The following SGCE variants were observed in gnomAD, a reference collection of about 807,000 sequenced individuals.
SGCE encodes the protein epsilon-sarcoglycan.
SGCE carries 26 observed loss-of-function variants against 57.8 expected under a neutral mutation model. That is an observed-to-expected ratio of 0.45 (90% confidence interval 0.33 to 0.62). The LOEUF is 0.62. Ranked by LOEUF, SGCE falls within the 20% of genes least tolerant of loss-of-function variation. The pLI is 0.02. For synonymous variants in SGCE, 183 were observed against 189.5 expected, an observed-to-expected ratio of 0.97 and a Z score of 0.28; for missense variants, 468 against 548.6, an observed-to-expected ratio of 0.85 and a Z score of 1.47.
At chr7:94,642,086 C>A (rs1203873535) in intron 1 of SGCE, among the ~76,000 whole-genome samples, 1 of 151,988 alleles carries the variant, frequency 6.6e-6, no homozygotes, top group Non-Finnish European at 1.5e-5. Flanking sequence ...TTATTAAAAA[C>A]AAACAAAACC....
At chr7:94,640,632 GTTTGT>G (rs956719120) in intron 1 of SGCE, among the ~76,000 whole-genome samples, 1 of 151,868 alleles carries the variant, frequency 6.6e-6, no homozygotes, top group Non-Finnish European at 1.5e-5. Context: ...GCTTCTGTGT[GTTTGT>G]TTTGTTTGTT....
At chr7:94,629,684 C>T (rs761232868) in intron 2 of SGCE, 35 bp downstream of exon 2, 34 of 1,607,130 alleles carry the variant, frequency 2.1e-5, no homozygotes, top group Middle Eastern at 3.3e-4. Flanking sequence ...AAATTTAGTA[C>T]GTTAACTGCT....
chr7:94,627,242 C>T (rs1322521740), intron 3 of SGCE: 2 of 151,992 alleles, frequency 1.3e-5, no homozygotes, highest in East Asian at 3.8e-4. Flanking sequence ...AGTATGTAAT[C>T]CTCTGAAAGG....
chr7:94,610,509 G>A (rs1584591111), intron 5 of SGCE, among the ~76,000 whole-genome samples: 1 of 152,058 alleles, frequency 6.6e-6, no homozygotes, highest in South Asian at 2.1e-4. Flanking sequence ...CTTAAAAATA[G>A]TATACGCACA....
At chr7:94,605,866 C>T (rs959953907) in intron 5 of SGCE, among the ~76,000 whole-genome samples, 17 of 152,158 alleles carry the variant, frequency 1.1e-4, no homozygotes, top group East Asian at 9.7e-4. Context: ...GACACAGTCT[C>T]GCCCTGTCAC....
chr7:94,624,036 A>C (rs974309353), intron 3 of SGCE: 25 of 394,134 alleles, frequency 6.3e-5, no homozygotes, highest in Non-Finnish European at 4.5e-6. Flanking sequence ...CATCAAAGTC[A>C]ATTCAGAAAC....
At chr7:94,592,281 A>G (rs1260998555) in intron 9 of SGCE, among the ~76,000 whole-genome samples, 1 of 152,214 alleles carries the variant, frequency 6.6e-6, no homozygotes, top group Non-Finnish European at 1.5e-5. Context: ...AATGCCTTCA[A>G]TCCCAACTCT....
At chr7:94,593,622 C>T (rs1441386377) in intron 9 of SGCE, among the ~76,000 whole-genome samples, 1 of 151,900 alleles carries the variant, frequency 6.6e-6, no homozygotes, top group East Asian at 1.9e-4. Context: ...GCACTGTTTT[C>T]TGATTAGCTC....
intron 6 of SGCE, among the ~76,000 whole-genome samples, chr7:94,602,331 A>G (rs1799389254): frequency 3.3e-5 from 5 of 152,178 alleles, no homozygotes; most frequent in Admixed American, 3.3e-4. Context: ...GACAAGAGGC[A>G]TGAGAAGGAG....
At chr7:94,603,057 G>A (rs1799523516) in intron 6 of SGCE, among the ~76,000 whole-genome samples, 1 of 152,124 alleles carries the variant, frequency 6.6e-6, no homozygotes, top group Non-Finnish European at 1.5e-5. Flanking sequence ...CACCTGCCAA[G>A]CTAATCCAGC....
chr7:94,596,494 C>G (rs1798417569), intron 9 of SGCE, among the ~76,000 whole-genome samples: 1 of 152,138 alleles, frequency 6.6e-6, no homozygotes, highest in African/African-American at 2.4e-5. Context: ...AGAAGCATTT[C>G]TCAAACTGTG....
At chr7:94,621,182 G>C (rs577112837) in intron 4 of SGCE, 1 of 152,154 alleles carries the variant, frequency 6.6e-6, no homozygotes, top group Admixed American at 6.5e-5. Flanking sequence ...TAAATAACAT[G>C]AGTGTAGGCC....
intron 8 of SGCE, 192 bp from the exon 9 acceptor site, chr7:94,599,155 A>G: frequency 1.8e-6 from 1 of 547,534 alleles, no homozygotes; most frequent in Non-Finnish European, 3.2e-6. Flanking sequence ...ACTGAAAATT[A>G]TAAACTGATT....
rs1796755254 is a variant in SGCE, at chr7:94,585,329, AT to A, written c.*169del. 2 of 555,122 alleles carry A rather than the reference AT, an allele frequency of 3.6e-6. No individual in the cohort carries two copies. Among genetic ancestry groups the A allele is most frequent in the African/African-American group, 1.8e-5 (1 of 54,114 alleles). 34.4% of individuals were successfully genotyped at this position (555,122 alleles called of 1,614,324 possible). ...TCAAAAATGCTTTAAGTACAAAAAA[AT>A]ACATTAGTAAAATGAAAGTTATGTT... On this transcript the variant is annotated 3_prime_UTR_variant, in exon 11 of 11. Transcript: ENST00000648936.
chr7:94,655,853 G>A (rs1182197029), intron 1 of SGCE, 137 bp downstream of exon 1: 2 of 663,612 alleles, frequency 3.0e-6, no homozygotes. Flanking sequence ...TACTGAAGGA[G>A]GGGTACGGTG....
At chr7:94,645,577 A>G (rs966455946) in intron 1 of SGCE, among the ~76,000 whole-genome samples, 1 of 152,202 alleles carries the variant, frequency 6.6e-6, no homozygotes, top group Non-Finnish European at 1.5e-5. Context: ...GAGACTTTAG[A>G]GTGAAATAAA....
chr7:94,599,713 TTC>T lies in SGCE; in HGVS notation c.1046_1047del (p.Arg349LysfsTer29). 1 of 1,608,940 alleles carries T rather than the reference TTC, an allele frequency of 6.2e-7. No homozygotes were observed. Among genetic ancestry groups the T allele is most frequent in the Non-Finnish European group, 8.5e-7 (1 of 1,175,556 alleles). ...GACACTTACTCTGGTGTTTGCATGT[TTC>T]TCTTTTCCCTAGAAACAAAACAAAA... ...MCCRREGVEK[R>X]NMQTPDIQLV... is the part of the protein sequence containing the mutation. On this transcript the variant is annotated frameshift_variant, in exon 8 of 11. Transcript: ENST00000648936. LOFTEE classifies it high-confidence loss of function.
At chr7:94,635,588 A>G (rs1461415148) in intron 1 of SGCE, among the ~76,000 whole-genome samples, 1 of 152,254 alleles carries the variant, frequency 6.6e-6, no homozygotes, top group Non-Finnish European at 1.5e-5. Flanking sequence ...CTGTCTCTGC[A>G]TCAAAAGAAC....
chr7:94,586,207 A>G (rs538851719), intron 10 of SGCE, among the ~76,000 whole-genome samples: 1 of 152,106 alleles, frequency 6.6e-6, no homozygotes, highest in African/African-American at 2.4e-5. Context: ...GAAAACTGAC[A>G]TGTGCATAAT....
Sources: gnomAD v4.1 joint callset for allele counts (sites outside exome capture counted in the v4.1 genomes callset) on GRCh38, gnomAD v4.1.1 for gene constraint, MANE v1.5 for transcripts, NCBI Gene and HGNC (gene_info 2026-07-23, HGNC 2026-07-21) for gene names.